GPR141: variants seen among roughly 807,000 people sequenced by gnomAD.
GPR141 encodes the protein probable G protein-coupled receptor 141.
GPR141 carries 6 observed loss-of-function variants against 6.8 expected under a neutral mutation model. The ratio of observed to expected loss-of-function variants is 0.88; its 90% CI spans 0.48 to 1.74. The LOEUF (loss-of-function observed/expected upper bound fraction) is 1.74, where lower values mean the gene tolerates loss of function less well. Ranked by LOEUF, GPR141 falls within the 40% of genes most tolerant of loss-of-function variation. The probability of loss-of-function intolerance (pLI) is 0.01; values close to 1 mark genes in which losing one functional copy is unlikely to be tolerated. For synonymous variants in GPR141, 140 were observed against 142.3 expected (o/e 0.98, Z 0.11); for missense variants, 372 against 372.9 (o/e 1.00, Z 0.02).
At chr7:37,724,029 G>GCAGGGGTGCCCTGGGTGCCTT (rs1441655293) in intron 2 of GPR141, among the ~76,000 whole-genome samples, 1 of 152,232 alleles carries the variant, frequency 6.6e-6, no homozygotes. Context: ...ATGGGTGGCA[G>GCAGGGGTGCCCTGGGTGCCTT]CAGGGGTGCC....
intron 2 of GPR141, among the ~76,000 whole-genome samples, chr7:37,706,593 G>A (rs1274270401): frequency 6.6e-6 from 1 of 151,828 alleles, no homozygotes; most frequent in Non-Finnish European, 1.5e-5. Context: ...CAAATCAATG[G>A]CAAAAATAAC....
At chr7:37,714,056 C>T (rs74365679) in intron 2 of GPR141, among the ~76,000 whole-genome samples, 4 of 151,762 alleles carry the variant, frequency 2.6e-5, no homozygotes, top group East Asian at 1.9e-4. Flanking sequence ...CATCATGTCC[C>T]GTCCTCTTAC....
At chr7:37,731,853 G>A (rs1811961023) in intron 2 of GPR141, among the ~76,000 whole-genome samples, 1 of 151,938 alleles carries the variant, frequency 6.6e-6, no homozygotes, top group African/African-American at 2.4e-5. Flanking sequence ...TTGCTTCATG[G>A]TGTTCCTCCA....
chr7:37,694,013 GT>G (rs1258002026), intron 2 of GPR141, among the ~76,000 whole-genome samples: 2 of 152,170 alleles, frequency 1.3e-5, no homozygotes, highest in African/African-American at 2.4e-5. Context: ...ATAGGGCACT[GT>G]TTCGGCTTAG....
rs915838435 is a variant in GPR141 at position 37,742,083 on chromosome 7, G to A, written c.*772G>A. ...GAGACTATCCCTGACTAATGTGCTG[G>A]TAGGCATTAAAATGAGTTCCCAAGG... On this transcript the variant is annotated 3_prime_UTR_variant, in exon 3 of 3. Coordinates refer to ENST00000334425, the MANE Select transcript of GPR141 (RefSeq NM_001381946.1). Among the ~76,000 whole-genome samples the A allele has an allele frequency of 6.6e-6, 1 of 152,044 alleles. No individual in the cohort carries two copies.
At chr7:37,686,205 T>C (rs1383063651) in intron 2 of GPR141, among the ~76,000 whole-genome samples, 1 of 150,086 alleles carries the variant, frequency 6.7e-6, no homozygotes, top group Non-Finnish European at 1.5e-5. Context: ...TCTCACTATG[T>C]TGCCAAGGCT....
At chr7:37,693,567 C>T (rs1393837967) in intron 2 of GPR141, among the ~76,000 whole-genome samples, 2 of 152,086 alleles carry the variant, frequency 1.3e-5, no homozygotes, top group African/African-American at 4.8e-5. Flanking sequence ...GGGGATGAAG[C>T]ACCTTGTAGT....
Position 37,741,276 on chromosome 7 carries a change from A to C in GPR141, c.883A>C (p.Ile295Leu). Residue 295 changes from isoleucine to leucine, a missense_variant, in exon 3 of 3, where the codon ATA (isoleucine) becomes CTA (leucine). By Grantham distance (5) the Ile-to-Leu change is conservative (BLOSUM62 2). Transcript: ENST00000334425. The stretch of plus-strand genomic sequence containing the variant: ...GGGAAGCCATTGGTTTAAGCAAAAG[A>C]TAATTGGCTTATGGAATTGTGTTTT... ...FGGSHWFKQKIIGLWNCVLCR is the reference protein window; with the variant it reads ...FGGSHWFKQKLIGLWNCVLCR The C allele has an allele frequency of 2.5e-6, 4 of 1,601,400 alleles. No homozygotes were observed. The highest frequency in any genetic ancestry group is 3.4e-6 in the Non-Finnish European group (4 of 1,172,230).
chr7:37,730,019 G>A (rs1041353669), intron 2 of GPR141: 3 of 152,188 alleles, frequency 2.0e-5, no homozygotes, highest in Admixed American at 6.5e-5. Flanking sequence ...AGAAAGACCA[G>A]ATCCCAGGAA....
chr7:37,695,378 G>A (rs1337136165), intron 2 of GPR141, among the ~76,000 whole-genome samples: 1 of 152,206 alleles, frequency 6.6e-6, no homozygotes, highest in Non-Finnish European at 1.5e-5. Context: ...CCTCTGCTAA[G>A]AGCACAGCTG....
At chr7:37,688,203 G>A (rs1583513942) in intron 2 of GPR141, among the ~76,000 whole-genome samples, 1 of 152,028 alleles carries the variant, frequency 6.6e-6, no homozygotes, top group African/African-American at 2.4e-5. Context: ...TTGGGAGGTG[G>A]GTGGATCACC....
At chr7:37,736,392 A>G (rs1197608237) in intron 2 of GPR141, among the ~76,000 whole-genome samples, 1 of 152,060 alleles carries the variant, frequency 6.6e-6, no homozygotes, top group African/African-American at 2.4e-5. Context: ...GAGATAACAG[A>G]TTGGGACAAA....
At chr7:37,707,889 G>C (rs903988411) in intron 2 of GPR141, among the ~76,000 whole-genome samples, 1 of 152,112 alleles carries the variant, frequency 6.6e-6, no homozygotes, top group Non-Finnish European at 1.5e-5. Context: ...TGCTACGACA[G>C]GGTTTTTCTC....
intron 2 of GPR141, among the ~76,000 whole-genome samples, chr7:37,700,191 A>G (rs1378320882): frequency 1.3e-5 from 2 of 152,238 alleles, no homozygotes; most frequent in African/African-American, 2.4e-5. Context: ...ATCTTGGATT[A>G]TCTTCTGAAT....
At chr7:37,707,727 C>T (rs1473475560) in intron 2 of GPR141, among the ~76,000 whole-genome samples, 1 of 152,130 alleles carries the variant, frequency 6.6e-6, no homozygotes, top group Non-Finnish European at 1.5e-5. Context: ...CGCTTATAGT[C>T]ATATACTACA....
intron 2 of GPR141, among the ~76,000 whole-genome samples, chr7:37,710,654 T>A (rs1374985218): frequency 2.6e-5 from 4 of 152,244 alleles, no homozygotes; most frequent in African/African-American, 7.2e-5. Context: ...TTAATAAGTA[T>A]AAATAAATGG....
rs1384026223 is a variant in GPR141 at position 37,743,594 on chromosome 7, G to A, written c.*2283G>A. Among the ~76,000 whole-genome samples, 1 of 151,764 alleles carries A rather than the reference G, an allele frequency of 6.6e-6. No individual in the cohort carries two copies. The highest frequency in any genetic ancestry group is 1.5e-5 in the Non-Finnish European group (1 of 67,922). On this transcript the variant is annotated 3_prime_UTR_variant, in exon 3 of 3. Transcript: ENST00000334425. ...ATATTTAAATTAAAAGTATTCATGA[G>A]AATTTCATTACCTTGTAGATTATGT...
intron 2 of GPR141, among the ~76,000 whole-genome samples, chr7:37,708,568 A>C (rs529018960): frequency 6.6e-6 from 1 of 152,278 alleles, no homozygotes; most frequent in East Asian, 1.9e-4. Context: ...ATCATGCTGT[A>C]CATACAGTAA....
chr7:37,690,190 T>C (rs1284672208), intron 2 of GPR141, among the ~76,000 whole-genome samples: 2 of 152,202 alleles, frequency 1.3e-5, no homozygotes, highest in Admixed American at 6.5e-5. Context: ...TGTTTGTTTT[T>C]GTTTTTGTTT....
Sources: gnomAD v4.1 joint callset for allele counts (sites outside exome capture counted in the v4.1 genomes callset) on GRCh38, gnomAD v4.1.1 for gene constraint, MANE v1.5 for transcripts, NCBI Gene and HGNC (gene_info 2026-07-23, HGNC 2026-07-21) for gene names.